The following METTL15 variants were observed in gnomAD, a reference collection of about 807,000 sequenced individuals.
METTL15 encodes methyltransferase 15, mitochondrial 12S rRNA N4-cytidine, also known as 12S rRNA N(4)-cytidine methyltransferase METTL15.
Under a neutral mutation model 38.3 loss-of-function variants are expected in METTL15, and 34 were observed. The ratio of observed to expected loss-of-function variants is 0.89; its 90% CI spans 0.68 to 1.18. The LOEUF is 1.18. Among genes scored for constraint, METTL15 ranks in the 50% most tolerant of loss-of-function variants. The pLI is 0.00. For synonymous variants in METTL15, 162 were observed against 170.9 expected (o/e 0.95, Z 0.41); for missense variants, 438 against 498.4 (o/e 0.88, Z 1.15).
intron 5 of METTL15, among the ~76,000 whole-genome samples, chr11:28,390,229 T>G (rs1850488349): frequency 6.6e-6 from 1 of 151,478 alleles, no homozygotes. Context: ...GCTCTTTAGT[T>G]TAATTAGATC....
intron 6 of METTL15, among the ~76,000 whole-genome samples, chr11:28,485,935 T>A (rs1346656531): frequency 1.3e-5 from 2 of 152,180 alleles, no homozygotes; most frequent in African/African-American, 2.4e-5. Flanking sequence ...TGTCTTCCTC[T>A]TCTTTTTATA....
chr11:28,488,469 A>G (rs1388579813), intron 6 of METTL15, among the ~76,000 whole-genome samples: 1 of 152,156 alleles, frequency 6.6e-6, no homozygotes, highest in East Asian at 1.9e-4. Flanking sequence ...ATTTAAATGA[A>G]TATCAGCTTA....
chr11:28,198,255 T>C (rs1475109604), intron 3 of METTL15, among the ~76,000 whole-genome samples: 1 of 152,078 alleles, frequency 6.6e-6, no homozygotes, highest in African/African-American at 2.4e-5. Context: ...TATCTGTAAA[T>C]AGATTAAGTG....
chr11:28,444,139 G>A (rs1358456465), intron 6 of METTL15, among the ~76,000 whole-genome samples: 1 of 151,968 alleles, frequency 6.6e-6, no homozygotes, highest in African/African-American at 2.4e-5. Flanking sequence ...TTTAACTATT[G>A]TTAATAACAC....
chr11:28,446,349 C>T (rs1247497002), intron 6 of METTL15, among the ~76,000 whole-genome samples: 1 of 152,122 alleles, frequency 6.6e-6, no homozygotes, highest in Admixed American at 6.5e-5. Context: ...TGTGTAGCTT[C>T]CACACTGGTG....
intron 3 of METTL15, among the ~76,000 whole-genome samples, chr11:28,124,556 C>T (rs549835135): frequency 1.1e-4 from 17 of 152,030 alleles, no homozygotes; most frequent in South Asian, 4.2e-4. Context: ...CCAACTAGAG[C>T]CATTAAGTGA....
chr11:28,183,905 T>C (rs1391271534), intron 3 of METTL15, among the ~76,000 whole-genome samples: 1 of 152,140 alleles, frequency 6.6e-6, no homozygotes, highest in African/African-American at 2.4e-5. Flanking sequence ...TTTTGGTTGG[T>C]AGGCTGTTAA....
chr11:28,179,913 G>A (rs942517458), intron 3 of METTL15, among the ~76,000 whole-genome samples: 1 of 151,764 alleles, frequency 6.6e-6, no homozygotes, highest in Non-Finnish European at 1.5e-5. Context: ...ATGCGACTTA[G>A]CATTGACAAT....
chr11:28,306,979 C>A (rs1229432066), intron 6 of METTL15, among the ~76,000 whole-genome samples: 4 of 151,752 alleles, frequency 2.6e-5, no homozygotes, highest in Non-Finnish European at 5.9e-5. Flanking sequence ...AATTTGTTAA[C>A]TTTTAATATA....
In METTL15 at chr11:28,332,196, C is replaced by A. The variant is rs1165064552; in HGVS notation, c.*1355C>A. The A allele has an allele frequency of 6.6e-6, 1 of 152,144 alleles. No homozygotes were observed. The highest frequency in any genetic ancestry group is 1.5e-5 in the Non-Finnish European group (1 of 68,032). The allele number at this position is 152,144 out of a possible 1,614,324, so 9.4% of individuals were successfully genotyped here. A position where few individuals can be genotyped will look rare whatever the true frequency, so the allele number is the denominator to read the frequency against. The stretch of plus-strand genomic sequence containing the variant: ...TCTGCTTTACAGGCTTTATTTAAAT[C>A]TGAACAATCCTACAGGGAAATCAGA... On this transcript the variant is annotated 3_prime_UTR_variant, in exon 7 of 7. Transcript: ENST00000407364.
intron 3 of METTL15, among the ~76,000 whole-genome samples, chr11:28,169,726 G>C (rs1208942879): frequency 1.3e-5 from 2 of 151,740 alleles, no homozygotes; most frequent in South Asian, 4.2e-4. Flanking sequence ...TAAATCTATG[G>C]CTATGTGAAT....
intron 2 of METTL15, among the ~76,000 whole-genome samples, chr11:28,112,921 C>T (rs889546622): frequency 6.6e-6 from 1 of 152,116 alleles, no homozygotes; most frequent in Admixed American, 6.6e-5. Context: ...TTAATCCGTT[C>T]AGTCATCCTG....
chr11:28,414,188 C>G (rs1224456237), intron 5 of METTL15, among the ~76,000 whole-genome samples: 3 of 152,086 alleles, frequency 2.0e-5, no homozygotes, highest in African/African-American at 7.2e-5. Context: ...GGCAGTGTTA[C>G]TGCTCAGGAG....
intron 6 of METTL15, among the ~76,000 whole-genome samples, chr11:28,308,763 G>A (rs910655292): frequency 1.3e-5 from 2 of 152,004 alleles, no homozygotes; most frequent in Non-Finnish European, 2.9e-5. Context: ...ATCTCCAGGG[G>A]CAAGAAACCA....
intron 3 of METTL15, among the ~76,000 whole-genome samples, chr11:28,199,497 C>A (rs1852028072): frequency 1.3e-5 from 2 of 152,034 alleles, no homozygotes; most frequent in South Asian, 4.1e-4. Context: ...TCTTAAAATG[C>A]CTGTATTTTT....
chr11:28,387,041 G>C (rs1194013268), intron 5 of METTL15, among the ~76,000 whole-genome samples: 1 of 151,826 alleles, frequency 6.6e-6, no homozygotes, highest in Non-Finnish European at 1.5e-5. Flanking sequence ...AAAACTTATA[G>C]GATCCAGCAA....
At chr11:28,296,571 A>G (rs1856742362) in intron 5 of METTL15, among the ~76,000 whole-genome samples, 182 bp from the exon 6 acceptor site, 2 of 152,126 alleles carry the variant, frequency 1.3e-5, no homozygotes, top group South Asian at 2.1e-4. Context: ...ACTTGCCATA[A>G]TGATGGGTAG....
Position 28,113,948 on chromosome 11 carries a change from C to T in METTL15, c.270+344C>T, listed in dbSNP as rs563776721. On this transcript the variant is annotated intron_variant, in intron 3 of 6. Transcript: ENST00000407364. ...GTAGGTTAGACTAAGCTATGATGTTCGGTAGGTTAAGTACTTAAATGCATT... is the reference window on the plus strand; with the variant it reads ...GTAGGTTAGACTAAGCTATGATGTTTGGTAGGTTAAGTACTTAAATGCATT... Among the ~76,000 whole-genome samples the T allele has an allele frequency of 4.6e-5, 7 of 152,202 alleles. No individual in the cohort carries two copies. In the South Asian group the frequency reaches 1.0e-3, roughly 23 times the overall value.
intron 3 of METTL15, among the ~76,000 whole-genome samples, chr11:28,122,377 A>G (rs557690934): frequency 0.069 from 9,747 of 141,186 alleles, 398 homozygotes; most frequent in Non-Finnish European, 0.098. Flanking sequence ...GTGTGTATAT[A>G]TATATATATA....
Sources: allele counts gnomAD v4.1 joint callset (sites outside exome capture counted in the v4.1 genomes callset), GRCh38; gene constraint gnomAD v4.1.1; transcripts MANE v1.5; gene names NCBI Gene and HGNC (gene_info 2026-07-23, HGNC 2026-07-21).